The following TYW1 variants were observed in gnomAD, a reference collection of about 807,000 sequenced individuals.
TYW1 encodes tRNA-yW synthesizing protein 1 homolog, also known as S-adenosyl-L-methionine-dependent tRNA 4-demethylwyosine synthase TYW1.
In TYW1, 46 loss-of-function variants were observed where a neutral mutation model predicts 96.2. That is an observed-to-expected ratio of 0.48 (90% CI 0.38 to 0.61). The LOEUF (loss-of-function observed/expected upper bound fraction) is 0.61. Among genes scored for constraint, TYW1 ranks in the 20% least tolerant of loss-of-function variants. TYW1 has a pLI of 0.00. For synonymous variants in TYW1, 274 were observed against 323.0 expected, an observed-to-expected ratio of 0.85 and a Z score of 1.63; for missense variants, 684 against 909.6, an observed-to-expected ratio of 0.75 and a Z score of 3.19.
At chr7:67,133,526 C>T (rs143639425) in intron 13 of TYW1, among the ~76,000 whole-genome samples, 6,292 of 150,452 alleles carry the variant, frequency 0.042, 197 homozygotes, top group Non-Finnish European at 0.07. Flanking sequence ...GGTGAAACCC[C>T]GTCTCTACTA....
At chr7:67,023,165 C>T (rs112217218) in intron 6 of TYW1, among the ~76,000 whole-genome samples, 4,428 of 152,100 alleles carry the variant, frequency 0.029, 94 homozygotes, top group Non-Finnish European at 0.045. Context: ...GTCACGATCT[C>T]GGCTCACTGC....
At chr7:67,025,310 T>G (rs1029225928) in intron 7 of TYW1, among the ~76,000 whole-genome samples, 1 of 151,826 alleles carries the variant, frequency 6.6e-6, no homozygotes, top group Non-Finnish European at 1.5e-5. Context: ...TGGGCCACAT[T>G]GGTAGAAAAA....
intron 11 of TYW1, among the ~76,000 whole-genome samples, chr7:67,084,464 T>C (rs1287462025): frequency 1.3e-5 from 2 of 152,186 alleles, no homozygotes; most frequent in African/African-American, 4.8e-5. Flanking sequence ...ACACAGATTG[T>C]TGGTTTCCTT....
At chr7:67,219,636 TTGTC>T (rs1253635057) in intron 15 of TYW1, among the ~76,000 whole-genome samples, 1 of 152,158 alleles carries the variant, frequency 6.6e-6, no homozygotes, top group Admixed American at 6.5e-5. Flanking sequence ...TTCTAGGAAT[TTGTC>T]TGTTTCATCT....
intron 6 of TYW1, among the ~76,000 whole-genome samples, chr7:67,018,968 A>G (rs1280824511): frequency 2.9e-5 from 3 of 104,482 alleles, no homozygotes; most frequent in Non-Finnish European, 4.4e-5. Flanking sequence ...AAAAAAAAAA[A>G]AAAAAGAAAA....
chr7:67,214,121 A>G (rs1801131930), intron 15 of TYW1, among the ~76,000 whole-genome samples: 3 of 152,206 alleles, frequency 2.0e-5, no homozygotes, highest in Admixed American at 1.3e-4. Flanking sequence ...AGCTATATTG[A>G]GTCTTCTAAT....
At chr7:67,123,475 C>T (rs1797820984) in intron 13 of TYW1, among the ~76,000 whole-genome samples, 1 of 152,148 alleles carries the variant, frequency 6.6e-6, no homozygotes, top group Non-Finnish European at 1.5e-5. Flanking sequence ...TACCTAATAT[C>T]GTTTTAGAGA....
intron 7 of TYW1, among the ~76,000 whole-genome samples, chr7:67,042,027 AATTATATTAGAATTAATATATAATTAT>A (rs1795041883): frequency 2.7e-5 from 2 of 73,220 alleles, no homozygotes; most frequent in Non-Finnish European, 6.0e-5. Context: ...AGAATTATAT[AATTATATTAGAATTAATATATAATTAT>A]ATTAGAATTA....
chr7:67,051,557 A>G (rs1482154579), intron 8 of TYW1, among the ~76,000 whole-genome samples: 1 of 152,084 alleles, frequency 6.6e-6, no homozygotes, highest in Non-Finnish European at 1.5e-5. Context: ...CCCAATCAAA[A>G]CATCTATTTA....
intron 13 of TYW1, among the ~76,000 whole-genome samples, chr7:67,176,463 G>C (rs1799673085): frequency 6.6e-6 from 1 of 152,146 alleles, no homozygotes; most frequent in South Asian, 2.1e-4. Flanking sequence ...AGGCCAAGAA[G>C]CGATGGAATT....
intron 9 of TYW1, among the ~76,000 whole-genome samples, chr7:67,061,339 G>A (rs1391236085): frequency 6.6e-6 from 1 of 152,152 alleles, no homozygotes; most frequent in Non-Finnish European, 1.5e-5. Flanking sequence ...CAGTCTACAC[G>A]TAGATAACAA....
intron 11 of TYW1, among the ~76,000 whole-genome samples, chr7:67,095,704 G>A (rs62468367): frequency 0.28 from 39,852 of 141,878 alleles, 5,619 homozygotes; most frequent in African/African-American, 0.35. Context: ...AACAACAGCA[G>A]CAGCAGCAGC....
At position 67,195,253 on chromosome 7, in the gene TYW1, C is replaced by T. The variant is rs1800353100; in HGVS notation, c.1893C>T (p.Val631=). Residue 631 remains valine, a synonymous_variant, in exon 15 of 16, where the codon GTC becomes GTT. Transcript: ENST00000359626. The part of the protein sequence containing the change: ...VPWHEEVVQF[V]HELVDLIPEY... ...GGCATGAGGAAGTGGTACAGTTTGT[C>T]CACGAGTTGGTGGATCTGATCCCCG... The T allele has an allele frequency of 1.2e-6, 2 of 1,602,750 alleles. No individual in the cohort carries two copies. The highest frequency in any genetic ancestry group is 1.7e-6 in the Non-Finnish European group (2 of 1,171,962).
In TYW1 at chr7:67,089,766, ATCTT is replaced by A. The variant is rs1796656384; in HGVS notation, c.1384+6233_1384+6236del. On this transcript the variant is annotated intron_variant, in intron 11 of 15. Coordinates refer to ENST00000359626, the MANE Select transcript of TYW1 (RefSeq NM_018264.4). ...AGTTATTTCACTGAGTTATAAAAAT[ATCTT>A]TCTTTTCCTGACCTTTATTAGCGTT... Among the ~76,000 whole-genome samples the A allele has an allele frequency of 2.0e-5, 3 of 152,324 alleles. No individual in the cohort carries two copies. The South Asian group carries it at 6.2e-4, about 32-fold the overall frequency.
intron 7 of TYW1, among the ~76,000 whole-genome samples, chr7:67,041,404 T>C (rs945908564): frequency 3.9e-5 from 6 of 152,054 alleles, no homozygotes; most frequent in Non-Finnish European, 7.4e-5. Flanking sequence ...CCCGGGTTCA[T>C]GCAATTCTGC....
At chr7:67,178,764 TAGTC>T (rs1799751633) in intron 13 of TYW1, among the ~76,000 whole-genome samples, 1 of 151,456 alleles carries the variant, frequency 6.6e-6, no homozygotes. Context: ...TATTAGATAT[TAGTC>T]AGGTGAAGGG....
At chr7:67,038,605 C>T (rs952268973) in intron 7 of TYW1, among the ~76,000 whole-genome samples, 6 of 151,678 alleles carry the variant, frequency 4.0e-5, no homozygotes, top group African/African-American at 9.7e-5. Flanking sequence ...AACCTTGTCT[C>T]CAAAATACAA....
chr7:67,209,875 AT>A lies in TYW1; in HGVS notation c.1977+14548del, dbSNP rs532767924. ...GCATGAGCACTGCACCTGGCCAATT[AT>A]TTTTTTTTTCAATAGACTTTATGTT... is the stretch of plus-strand genomic sequence containing the variant. On this transcript the variant is annotated intron_variant, in intron 15 of 15. Transcript: ENST00000359626. Among the ~76,000 whole-genome samples, 23 of 149,922 alleles carry A rather than the reference AT, an allele frequency of 1.5e-4. No individual in the cohort carries two copies. The South Asian group carries it at 4.4e-3, about 29-fold the overall frequency.
rs202237438 is a variant in TYW1 at position 67,017,983 on chromosome 7, C to T, written c.701C>T (p.Thr234Ile). 311 of 1,614,096 alleles carry T rather than the reference C, an allele frequency of 1.9e-4. 1 individual carries two copies. In the South Asian group the frequency reaches 3.3e-3, roughly 17 times the overall value. Residue 234 changes from threonine to isoleucine, a missense_variant, in exon 6 of 16, where the codon ACC becomes ATC. Physicochemically the swap from Thr to Ile is moderately conservative, Grantham distance 89 (BLOSUM62 -1). Transcript: ENST00000359626. ...GAGGCCGACTTCAGAGCATGGAAGACCAAGTTCATCTCCCAGCTGCAGGCA... is the reference window on the plus strand; with the variant it reads ...GAGGCCGACTTCAGAGCATGGAAGATCAAGTTCATCTCCCAGCTGCAGGCA... ...SIEADFRAWKTKFISQLQALQ... is the reference protein window; with the variant it reads ...SIEADFRAWKIKFISQLQALQ...
Sources: gnomAD v4.1 joint callset for allele counts (sites outside exome capture counted in the v4.1 genomes callset) on GRCh38, gnomAD v4.1.1 for gene constraint, MANE v1.5 for transcripts, NCBI Gene and HGNC (gene_info 2026-07-23, HGNC 2026-07-21) for gene names.